Variants in NUTF2 observed in about 807,000 individuals in gnomAD.
NUTF2 encodes nuclear transport factor 2, also known as placental protein 15.
In NUTF2, 3 loss-of-function variants were observed where a neutral mutation model predicts 18.5. That is an observed-to-expected ratio of 0.16 (90% confidence interval 0.07 to 0.42). The LOEUF is 0.42. NUTF2 is among the 10% of genes least tolerant of loss of function. The pLI, the probability that NUTF2 is intolerant of heterozygous loss-of-function variation, is 0.99. For missense variants in NUTF2, 44 were observed against 160.7 expected (o/e 0.27, Z 3.93); for synonymous variants, 51 against 57.9 (o/e 0.88, Z 0.54).
intron 1 of NUTF2, among the ~76,000 whole-genome samples, chr16:67,859,788 G>A (rs1300619713): frequency 1.4e-5 from 2 of 143,256 alleles, no homozygotes; most frequent in Non-Finnish European, 3.0e-5. Context: ...GAGCCACTGC[G>A]CCAGGCCTTT....
At chr16:67,849,322 C>T (rs1376271113) in intron 1 of NUTF2, among the ~76,000 whole-genome samples, 1 of 152,206 alleles carries the variant, frequency 6.6e-6, no homozygotes, top group Non-Finnish European at 1.5e-5. Context: ...TTTCATGGCC[C>T]TGGGTGACTT....
chr16:67,847,224 C>G (rs1422376214), intron 1 of NUTF2: 1 of 152,292 alleles, frequency 6.6e-6, no homozygotes, highest in Non-Finnish European at 1.5e-5. Context: ...CTGGGCCGTA[C>G]CGTGCTGGTG....
intron 2 of NUTF2, 130 bp downstream of exon 2, chr16:67,865,359 C>T (rs1463868933): frequency 6.3e-6 from 4 of 633,758 alleles, no homozygotes; most frequent in African/African-American, 3.7e-5. Context: ...AACTTTTGTC[C>T]ACGGGACAGG....
chr16:67,849,267 C>T (rs1190808113), intron 1 of NUTF2, among the ~76,000 whole-genome samples: 1 of 152,238 alleles, frequency 6.6e-6, no homozygotes, highest in African/African-American at 2.4e-5. Context: ...TTCTAGGACA[C>T]AGATTTCAGG....
intron 1 of NUTF2, among the ~76,000 whole-genome samples, chr16:67,853,314 C>T (rs998321962): frequency 1.3e-5 from 2 of 152,124 alleles, no homozygotes; most frequent in African/African-American, 2.4e-5. Flanking sequence ...ACCTCAGCCT[C>T]CTGAGTAGCT....
chr16:67,850,177 C>T (rs1029636423), intron 1 of NUTF2, among the ~76,000 whole-genome samples: 2 of 151,414 alleles, frequency 1.3e-5, no homozygotes, highest in Middle Eastern at 3.2e-3. Context: ...CCCTCCCTCT[C>T]ATTCCAACCT....
intron 1 of NUTF2, among the ~76,000 whole-genome samples, chr16:67,854,987 C>T (rs1304586627): frequency 6.6e-6 from 1 of 150,564 alleles, no homozygotes; most frequent in Non-Finnish European, 1.5e-5. Flanking sequence ...GAGGTTGAGC[C>T]GAACCTTGTG....
intron 1 of NUTF2, among the ~76,000 whole-genome samples, chr16:67,849,044 T>C (rs1166062241): frequency 6.6e-6 from 1 of 152,238 alleles, no homozygotes; most frequent in African/African-American, 2.4e-5. Flanking sequence ...GCTCAGATTT[T>C]ACCAAGCCCT....
chr16:67,856,037 C>G (rs547240155), intron 1 of NUTF2: 1 of 797,960 alleles, frequency 1.3e-6, no homozygotes, highest in Admixed American at 1.8e-5. Context: ...GCTCAGGGGC[C>G]GGCACTCACC....
chr16:67,868,625 G>C (rs1340174490), intron 4 of NUTF2, 26 bp downstream of exon 4: 1 of 1,603,630 alleles, frequency 6.2e-7, no homozygotes, highest in Admixed American at 1.7e-5. Flanking sequence ...CAGTGGTAGG[G>C]AGGGGTGGGC....
chr16:67,864,284 G>GT (rs1482264300), intron 1 of NUTF2, among the ~76,000 whole-genome samples: 3 of 152,192 alleles, frequency 2.0e-5, no homozygotes, highest in Admixed American at 1.3e-4. Flanking sequence ...GCCAAGGCGG[G>GT]TGGATCACTT....
intron 1 of NUTF2, among the ~76,000 whole-genome samples, chr16:67,854,374 C>T (rs887444086): frequency 6.6e-6 from 1 of 152,216 alleles, no homozygotes; most frequent in Non-Finnish European, 1.5e-5. Flanking sequence ...CCCATCAGGG[C>T]ATCTTCCCAG....
At chr16:67,860,219 TC>T (rs2057926325) in intron 1 of NUTF2, among the ~76,000 whole-genome samples, 1 of 152,186 alleles carries the variant, frequency 6.6e-6, no homozygotes, top group Non-Finnish European at 1.5e-5. Flanking sequence ...GACCCTGTGA[TC>T]CGCCCACCTT....
chr16:67,856,049 A>G, intron 1 of NUTF2: 1 of 755,960 alleles, frequency 1.3e-6, no homozygotes, highest in East Asian at 2.5e-5. Context: ...GCACTCACCC[A>G]CTGTTACGAT....
chr16:67,851,559 A>G (rs1375143024), intron 1 of NUTF2, among the ~76,000 whole-genome samples: 1 of 152,110 alleles, frequency 6.6e-6, no homozygotes, highest in Non-Finnish European at 1.5e-5. Flanking sequence ...TACAACTTGC[A>G]GTTTTGTTAC....
intron 1 of NUTF2, among the ~76,000 whole-genome samples, chr16:67,852,545 A>G (rs983493379): frequency 1.5e-4 from 23 of 151,990 alleles, no homozygotes; most frequent in African/African-American, 5.1e-4. Flanking sequence ...TCTAGTAGAG[A>G]TGGGGTTTTG....
At position 67,871,166 on chromosome 16, in the gene NUTF2, T is replaced by C; in HGVS notation, c.*253T>C. 1 of 267,468 alleles carries C rather than the reference T, an allele frequency of 3.7e-6. No homozygotes were observed. Among genetic ancestry groups the C allele is most frequent in the Non-Finnish European group, 7.0e-6 (1 of 143,076 alleles). 16.6% of individuals were successfully genotyped at this position (267,468 alleles called of 1,614,324 possible). Reference sequence around the variant, plus strand: ...TAAGTAATGCAAAAGGTTGTCCTTTTTTTTTTTTTTTTTTTTTTAATCTAC... The same window carrying C: ...TAAGTAATGCAAAAGGTTGTCCTTTCTTTTTTTTTTTTTTTTTTAATCTAC... On this transcript the variant is annotated 3_prime_UTR_variant, in exon 5 of 5. Coordinates refer to ENST00000219169, the MANE Select transcript of NUTF2 (RefSeq NM_005796.3).
chr16:67,860,844 CTCTG>C (rs2057930509), intron 1 of NUTF2, among the ~76,000 whole-genome samples: 1 of 152,228 alleles, frequency 6.6e-6, no homozygotes, highest in African/African-American at 2.4e-5. Flanking sequence ...AGGCTAGGAT[CTCTG>C]TCTGCTCTGT....
At position 67,851,948 on chromosome 16, in the gene NUTF2, G is replaced by A. The variant is rs147065139; in HGVS notation, c.-30+4963G>A. Among the ~76,000 whole-genome samples, 307 of 152,080 alleles carry A rather than the reference G, an allele frequency of 2.0e-3. 2 individuals are homozygous for A. The highest frequency in any genetic ancestry group is 7.9e-3 in the East Asian group (41 of 5,170). ...GGAGACTCGCTTGAACCTGGGAGGC[G>A]GAGCTTGCAGTGAGCTGAGACTGTG... On this transcript the variant is annotated intron_variant, in intron 1 of 4. Transcript: ENST00000219169.
Sources: allele counts gnomAD v4.1 joint callset (sites outside exome capture counted in the v4.1 genomes callset), GRCh38; gene constraint gnomAD v4.1.1; transcripts MANE v1.5; gene names NCBI Gene and HGNC (gene_info 2026-07-23, HGNC 2026-07-21).